Variants in RASA3 observed in about 807,000 individuals in gnomAD.
RASA3 encodes ras GTPase-activating protein 3.
In RASA3, 73 loss-of-function variants were observed where a neutral mutation model predicts 110.0. The ratio of observed to expected loss-of-function variants is 0.66; its 90% confidence interval spans 0.55 to 0.81. The LOEUF (loss-of-function observed/expected upper bound fraction) is 0.81. Ranked by LOEUF, RASA3 falls within the 30% of genes least tolerant of loss-of-function variation. RASA3 has a pLI of 0.00. For missense variants in RASA3, 976 were observed against 1,113.2 expected (o/e 0.88, Z 1.75); for synonymous variants, 500 against 451.4 (o/e 1.11, Z -1.37).
rs2053568869 is a variant in RASA3 at position 114,008,846 on chromosome 13, C to T, written c.1668+541G>A. Among the ~76,000 whole-genome samples, 2 of 62,508 alleles carry T rather than the reference C, an allele frequency of 3.2e-5. 1 individual carries two copies. Among genetic ancestry groups the T allele is most frequent in the Non-Finnish European group, 5.6e-5 (2 of 35,848 alleles). 41.0% of individuals were successfully genotyped at this position (62,508 alleles called of 152,430 possible). ...CCCTGCGGTCTGGACGTTCCCCACG[C>T]ACCGCGTTCCTGACTGTGGGGAGGA... On this transcript the variant is annotated intron_variant, in intron 17 of 23. Coordinates refer to ENST00000334062, the MANE Select transcript of RASA3 (RefSeq NM_007368.4).
chr13:113,982,141 G>A (rs926078655), intron 22 of RASA3, among the ~76,000 whole-genome samples: 2 of 152,210 alleles, frequency 1.3e-5, no homozygotes, highest in African/African-American at 4.8e-5. Flanking sequence ...TCCCAGCCTT[G>A]TCACCAATCA....
intron 3 of RASA3, among the ~76,000 whole-genome samples, chr13:114,043,547 A>G (rs2078973459): frequency 6.6e-6 from 1 of 152,150 alleles, no homozygotes; most frequent in Non-Finnish European, 1.5e-5. Flanking sequence ...TCCTAAGATC[A>G]GCCTGGTGAC....
intron 1 of RASA3, among the ~76,000 whole-genome samples, chr13:114,128,377 G>A (rs2080477304): frequency 6.6e-6 from 1 of 152,242 alleles, no homozygotes. Flanking sequence ...GTGACCAGCG[G>A]CCTCCACCTC....
chr13:114,081,601 A>G (rs1374405479), intron 1 of RASA3, among the ~76,000 whole-genome samples: 1 of 152,118 alleles, frequency 6.6e-6, no homozygotes. Flanking sequence ...AACTGTGCTC[A>G]CTCTTATAAA....
chr13:114,036,969 A>G (rs1045637657), intron 4 of RASA3, among the ~76,000 whole-genome samples: 1 of 152,166 alleles, frequency 6.6e-6, no homozygotes, highest in Non-Finnish European at 1.5e-5. Flanking sequence ...ATTGGAGAGC[A>G]ATGACCTTGC....
At chr13:114,125,137 C>T (rs180911602) in intron 1 of RASA3, among the ~76,000 whole-genome samples, 4 of 152,274 alleles carry the variant, frequency 2.6e-5, no homozygotes, top group East Asian at 1.9e-4. Context: ...GAACTTCCTG[C>T]GAGTCATGTG....
intron 2 of RASA3, among the ~76,000 whole-genome samples, chr13:114,061,865 G>A (rs78720418): frequency 2.4e-4 from 36 of 152,234 alleles, no homozygotes; most frequent in African/African-American, 8.7e-4. Flanking sequence ...CTGTGCTTGC[G>A]GTGGTAACTC....
At chr13:114,108,741 T>G (rs1195136581) in intron 1 of RASA3, 1 of 152,004 alleles carries the variant, frequency 6.6e-6, no homozygotes, top group African/African-American at 2.4e-5. Flanking sequence ...CTCAGCTTGC[T>G]CTCCAGGAGT....
In RASA3 at chr13:114,091,638, C is replaced by G. The variant is rs543395918; in HGVS notation, c.56-17801G>C. Among the ~76,000 whole-genome samples, 3 of 151,662 alleles carry G rather than the reference C, an allele frequency of 2.0e-5. No individual in the cohort carries two copies. In the South Asian group the frequency reaches 6.3e-4, roughly 32 times the overall value. On this transcript the variant is annotated intron_variant, in intron 1 of 23. Coordinates refer to ENST00000334062, the MANE Select transcript of RASA3 (RefSeq NM_007368.4). ...GGTGTCTTGCTGAGGACTTTTGTGT[C>G]TGTGTTCATCAGAGACATTGGCCTT...
chr13:113,994,903 G>A (rs2053197136), intron 21 of RASA3, among the ~76,000 whole-genome samples: 1 of 152,212 alleles, frequency 6.6e-6, no homozygotes, highest in South Asian at 2.1e-4. Context: ...GAGCCTAGGA[G>A]GTCGAGGCTG....
intron 1 of RASA3, among the ~76,000 whole-genome samples, chr13:114,098,099 A>G (rs749725979): frequency 2.6e-5 from 4 of 152,278 alleles, no homozygotes; most frequent in African/African-American, 4.8e-5. Context: ...GAGAGGCCCA[A>G]GTGGACCCCA....
intron 2 of RASA3, among the ~76,000 whole-genome samples, chr13:114,068,433 T>C (rs1318689846): frequency 6.6e-6 from 1 of 152,144 alleles, no homozygotes; most frequent in Non-Finnish European, 1.5e-5. Context: ...TGGAAGGAAA[T>C]GAGGACACGA....
At chr13:114,095,907 T>C (rs1222462027) in intron 1 of RASA3, among the ~76,000 whole-genome samples, 1 of 152,274 alleles carries the variant, frequency 6.6e-6, no homozygotes, top group African/African-American at 2.4e-5. Context: ...AGTTAAGCTA[T>C]TGTGTTTACT....
At chr13:114,121,915 C>T (rs1245993449) in intron 1 of RASA3, among the ~76,000 whole-genome samples, 2 of 152,202 alleles carry the variant, frequency 1.3e-5, no homozygotes, top group Non-Finnish European at 2.9e-5. Flanking sequence ...GTTTGTGGGC[C>T]GAGTGCAGGA....
rs551379958 is a variant in RASA3, at chr13:114,044,839, G to A, written c.278-3745C>T. 3.9e-5 allele frequency among the ~76,000 whole-genome samples: 6 copies of A among 152,220 alleles called. No individual in the cohort carries two copies. In the South Asian group the frequency reaches 1.2e-3, roughly 32 times the overall value. On this transcript the variant is annotated intron_variant, in intron 3 of 23. Coordinates refer to ENST00000334062, the MANE Select transcript of RASA3 (RefSeq NM_007368.4). Reference sequence around the variant, plus strand: ...AGTTTTAAATACTTGCAATGTCACTGTGTCTTCACATTTTTATGAGCTGAA... The same window carrying A: ...AGTTTTAAATACTTGCAATGTCACTATGTCTTCACATTTTTATGAGCTGAA...
rs367848809 is a variant in RASA3, at chr13:114,127,741, C to G, written c.55+4694G>C. Among the ~76,000 whole-genome samples, 336 of 152,172 alleles carry G rather than the reference C, an allele frequency of 2.2e-3. 9 individuals are homozygous for G. In the South Asian group the frequency reaches 0.057, roughly 26 times the overall value. ...GACCAGCCTGGGCAACACAGTGAGG[C>G]CCAGTCTCAAAGAAAAAAAAATTAA... On this transcript the variant is annotated intron_variant, in intron 1 of 23. Coordinates refer to ENST00000334062, the MANE Select transcript of RASA3 (RefSeq NM_007368.4).
chr13:113,998,308 C>T (rs192682328), intron 20 of RASA3, among the ~76,000 whole-genome samples: 180 of 152,182 alleles, frequency 1.2e-3, no homozygotes, highest in African/African-American at 4.1e-3. Flanking sequence ...CCCAGCCCTC[C>T]TCTTCCCATG....
chr13:113,981,804 G>A lies in RASA3; in HGVS notation c.2300C>T (p.Thr767Met), dbSNP rs748922542. The A allele has an allele frequency of 1.2e-5, 20 of 1,613,862 alleles. 1 individual carries two copies. Among genetic ancestry groups the A allele is most frequent in the East Asian group, 8.9e-5 (4 of 44,882 alleles). ...CTCCTGGGGGTCGTCAATGACGAAC[G>A]TCGAATACTCCTCCTGCTCCGGGCC... Reference protein sequence around the residue: ...YDGPEQEEYSTFVIDDPQETY... With the variant: ...YDGPEQEEYSMFVIDDPQETY... The change falls in exon 23 of 24, where the codon ACG becomes ATG. Residue 767 changes from threonine to methionine, a missense_variant. Physicochemically the swap from Thr to Met is moderately conservative, Grantham distance 81. Transcript: ENST00000334062.
At chr13:113,999,376 C>G (rs2053330082) in intron 20 of RASA3, among the ~76,000 whole-genome samples, 1 of 152,072 alleles carries the variant, frequency 6.6e-6, no homozygotes, top group African/African-American at 2.4e-5. Flanking sequence ...CCCGGTGACC[C>G]CGGGCACAGA....
Sources: allele counts gnomAD v4.1 joint callset (sites outside exome capture counted in the v4.1 genomes callset), GRCh38; gene constraint gnomAD v4.1.1; transcripts MANE v1.5; gene names NCBI Gene and HGNC (gene_info 2026-07-23, HGNC 2026-07-21).